ZNF865: variants seen among roughly 807,000 people sequenced by gnomAD.
The protein encoded by ZNF865 is zinc finger protein 865.
For synonymous variants in ZNF865, 763 were observed against 750.8 expected (o/e 1.02, Z -0.27); for missense variants, 1,311 against 1,593.4 (o/e 0.82, Z 3.02).
chr19:55,616,110 G>A lies in ZNF865; in HGVS notation c.2492G>A (p.Gly831Asp). 1 of 1,489,346 alleles carries A rather than the reference G, an allele frequency of 6.7e-7. No homozygotes were observed. The highest frequency in any genetic ancestry group is 8.9e-7 in the Non-Finnish European group (1 of 1,122,032). 92.3% of individuals were successfully genotyped at this position (1,489,346 alleles called of 1,614,324 possible). A position where few individuals can be genotyped will look rare whatever the true frequency, so the allele number is the denominator to read the frequency against. ...GCGLCGQSFA[G>D]AYDLLLHRRS... ...GGCCTCTGCGGCCAGAGCTTCGCGG[G>A]CGCCTACGACTTGCTCCTACACCGC... The change falls in exon 2 of 2, where the codon GGC becomes GAC. Residue 831 changes from glycine to aspartate, a missense_variant. Gly to Asp is a moderately conservative substitution (Grantham distance 94, BLOSUM62 -1). Transcript: ENST00000568956.
rs560161998 is a variant in ZNF865, at chr19:55,613,678, C to T, written c.60C>T (p.Gly20=). 53 of 1,532,102 alleles carry T rather than the reference C, an allele frequency of 3.5e-5. No individual in the cohort carries two copies. The highest frequency in any genetic ancestry group is 4.5e-5 in the Non-Finnish European group (51 of 1,145,134). The allele number at this position is 1,532,102 out of a possible 1,614,324, so 94.9% of individuals were successfully genotyped here. Reference sequence around the variant, plus strand: ...GTGGCGGGAGCAGCGGCATCGGGGGCGAGGACGGGGTGCACTTCCAGAGCT... The same window carrying T: ...GTGGCGGGAGCAGCGGCATCGGGGGTGAGGACGGGGTGCACTTCCAGAGCT... ...AGGGGSSGIG[G]EDGVHFQSYP... Residue 20 remains glycine (G), a synonymous_variant, in exon 2 of 2, where the codon GGC becomes GGT. Coordinates refer to ENST00000568956, the MANE Select transcript of ZNF865 (RefSeq NM_001195605.2).
At chr19:55,608,377 T>C (rs1444131479) in intron 1 of ZNF865, among the ~76,000 whole-genome samples, 3 of 148,196 alleles carry the variant, frequency 2.0e-5, no homozygotes, top group Admixed American at 6.8e-5. Context: ...TGCAGTGGTG[T>C]GATCTTAGCT....
In ZNF865 at chr19:55,616,776, C is replaced by T. The variant is rs950877401; in HGVS notation, c.3158C>T (p.Thr1053Ile). Residue 1053 changes from threonine (T) to isoleucine (I), a missense_variant, in exon 2 of 2, where the codon ACC (threonine) becomes ATC (isoleucine). By Grantham distance (89) the Thr-to-Ile change is moderately conservative (BLOSUM62 -1). Coordinates refer to ENST00000568956, the MANE Select transcript of ZNF865 (RefSeq NM_001195605.2). ...GGGGGGCCTGGAGCAGGGGCGGGCA[C>T]CTTGGCCGGGAAGGATGCCTGACCG... is the stretch of plus-strand genomic sequence containing the variant. ...NLGGPGAGAG[T>I]LAGKDA 24 of 1,447,244 alleles carry T rather than the reference C, an allele frequency of 1.7e-5. No homozygotes were observed. Among genetic ancestry groups the T allele is most frequent in the Non-Finnish European group, 2.2e-5 (24 of 1,105,946 alleles). The allele number at this position is 1,447,244 out of a possible 1,614,324, so 89.7% of individuals were successfully genotyped here.
Position 55,614,249 on chromosome 19 carries a change from G to A in ZNF865, c.631G>A (p.Gly211Ser), listed in dbSNP as rs1157877298. 1.3e-5 allele frequency: 20 copies of A among 1,514,740 alleles called. No homozygotes were observed. The highest frequency in any genetic ancestry group is 1.8e-5 in the Non-Finnish European group (20 of 1,137,066). 93.8% of individuals were successfully genotyped at this position (1,514,740 alleles called of 1,614,324 possible). The stretch of plus-strand genomic sequence containing the variant: ...CTGCGACCCCACCAAGGACGACAAG[G>A]GCTACTTCCGGAGACTGAAGTACCT... ...AACDPTKDDK[G>S]YFRRLKYLME... The change falls in exon 2 of 2, where the codon GGC (glycine) becomes AGC (serine). Residue 211 changes from glycine (G) to serine (S), a missense_variant. By Grantham distance (56) the Gly-to-Ser change is moderately conservative (BLOSUM62 0). Transcript: ENST00000568956. The surrounding 1 kb of genome is among the most constrained non-coding windows in gnomAD (Gnocchi z 8.0).
chr19:55,614,206 A>G lies in ZNF865; in HGVS notation c.588A>G (p.Gly196=). 6.7e-7 allele frequency: 1 copy of G among 1,500,204 alleles called. No individual in the cohort carries two copies. The allele number at this position is 1,500,204 out of a possible 1,614,324, so 92.9% of individuals were successfully genotyped here. A position where few individuals can be genotyped will look rare whatever the true frequency, so the allele number is the denominator to read the frequency against. Residue 196 remains glycine (G), a synonymous_variant, in exon 2 of 2, where the codon GGA becomes GGG. Coordinates refer to ENST00000568956, the MANE Select transcript of ZNF865 (RefSeq NM_001195605.2). This position sits in a 1 kb window ranked among gnomAD's most constrained non-coding sequence, Gnocchi z 8.0. ...CTGCCCCCTCGCAGACCCCGCCAGG[A>G]CCCCCCGCGGCGGCGGCCTGCGACC... ...PLPAPSQTPP[G]PPAAAACDPT... is the part of the protein sequence containing the mutation.
Position 55,615,199 on chromosome 19 carries a change from G to T in ZNF865, c.1581G>T (p.Pro527=). The T allele has an allele frequency of 7.0e-7, 1 of 1,419,752 alleles. No homozygotes were observed. The highest frequency in any genetic ancestry group is 1.5e-5 in the South Asian group (1 of 67,846). 87.9% of individuals were successfully genotyped at this position (1,419,752 alleles called of 1,614,324 possible). A position where few individuals can be genotyped will look rare whatever the true frequency, so the allele number is the denominator to read the frequency against. Residue 527 remains proline (P), a synonymous_variant, in exon 2 of 2, where the codon CCG becomes CCT. Coordinates refer to ENST00000568956, the MANE Select transcript of ZNF865 (RefSeq NM_001195605.2). ...AVPVPLLGAH[P]LLLGGAGTSG... The stretch of plus-strand genomic sequence containing the variant: ...CCGTCCCGCTCCTGGGCGCCCACCC[G>T]CTGCTGCTCGGCGGCGCGGGGACCA...
chr19:55,615,582 G>A lies in ZNF865; in HGVS notation c.1964G>A (p.Gly655Glu), dbSNP rs1440836517. ...GGCACACCGGGGGCCTGTGGGCCCGGGGCCTCGGGCACGTCTGCAGGGCCC... is the reference window on the plus strand; with the variant it reads ...GGCACACCGGGGGCCTGTGGGCCCGAGGCCTCGGGCACGTCTGCAGGGCCC... ...TQGTPGACGP[G>E]ASGTSAGPTD... The change falls in exon 2 of 2, where the codon GGG (glycine) becomes GAG (glutamate). Residue 655 changes from glycine to glutamate, a missense_variant. Physicochemically the swap from Gly to Glu is moderately conservative, Grantham distance 98 (BLOSUM62 -2). Transcript: ENST00000568956. The A allele has an allele frequency of 6.5e-7, 1 of 1,530,322 alleles. No individual in the cohort carries two copies. Among genetic ancestry groups the A allele is most frequent in the Non-Finnish European group, 8.7e-7 (1 of 1,144,384 alleles). 94.8% of individuals were successfully genotyped at this position (1,530,322 alleles called of 1,614,324 possible). A position where few individuals can be genotyped will look rare whatever the true frequency, so the allele number is the denominator to read the frequency against.
Position 55,615,149 on chromosome 19 carries a change from G to T in ZNF865, c.1531G>T (p.Ala511Ser). 1 of 1,214,592 alleles carries T rather than the reference G, an allele frequency of 8.2e-7. No homozygotes were observed. The highest frequency in any genetic ancestry group is 2.7e-5 in the South Asian group (1 of 37,106). 75.2% of individuals were successfully genotyped at this position (1,214,592 alleles called of 1,614,324 possible). A position where few individuals can be genotyped will look rare whatever the true frequency, so the allele number is the denominator to read the frequency against. Residue 511 changes from alanine (A) to serine (S), a missense_variant, in exon 2 of 2, where the codon GCG (alanine) becomes TCG (serine). Physicochemically the swap from Ala to Ser is moderately conservative, Grantham distance 99. Transcript: ENST00000568956. ...CAGCGAGAAGGCGGCGGCGGCCGCG[G>T]CGGCGGTGGTGTACGGCGCTGTGCC... Reference protein sequence around the residue: ...TDSEKAAAAAAAVVYGAVPVP... With the variant: ...TDSEKAAAAASAVVYGAVPVP...
chr19:55,613,575 C>T lies in ZNF865; in HGVS notation c.-26-18C>T, dbSNP rs1184945062. On this transcript the variant is annotated intron_variant, in intron 1 of 1. Coordinates refer to ENST00000568956, the MANE Select transcript of ZNF865 (RefSeq NM_001195605.2). ...CAGCGCCGCGGCCGTGTCCTCAGCC[C>T]CGTCCTCCTCTTCACAGGGTCTCCC... The T allele has an allele frequency of 3.4e-6, 5 of 1,482,522 alleles. No homozygotes were observed. The highest frequency in any genetic ancestry group is 2.7e-5 in the South Asian group (2 of 74,320). 91.8% of individuals were successfully genotyped at this position (1,482,522 alleles called of 1,614,324 possible). A position where few individuals can be genotyped will look rare whatever the true frequency, so the allele number is the denominator to read the frequency against.
At chr19:55,610,572 A>G (rs937217332) in intron 1 of ZNF865, among the ~76,000 whole-genome samples, 2 of 152,146 alleles carry the variant, frequency 1.3e-5, no homozygotes, top group African/African-American at 4.8e-5. Context: ...GCATTTTCTA[A>G]TGTATGATTT....
In ZNF865 at chr19:55,613,937, T is replaced by A; in HGVS notation, c.319T>A (p.Ser107Thr). ...GTCCTCCTCCTCCTCCTCTTCGTCC[T>A]CCTCGTCGTCATCTTCGTCCTCTTC... is the stretch of plus-strand genomic sequence containing the variant. Reference protein sequence around the residue: ...SSSSSSSSSSSSSSSSSSSSS... With the variant: ...SSSSSSSSSSTSSSSSSSSSS... Residue 107 changes from serine (S) to threonine (T), a missense_variant, in exon 2 of 2, where the codon TCC becomes ACC. Physicochemically the swap from Ser to Thr is moderately conservative, Grantham distance 58. Transcript: ENST00000568956. 1 of 1,531,980 alleles carries A rather than the reference T, an allele frequency of 6.5e-7. No homozygotes were observed. The highest frequency in any genetic ancestry group is 8.7e-7 in the Non-Finnish European group (1 of 1,144,444). The allele number at this position is 1,531,980 out of a possible 1,614,324, so 94.9% of individuals were successfully genotyped here.
In ZNF865 at chr19:55,616,279, C is replaced by T; in HGVS notation, c.2661C>T (p.Arg887=). The change falls in exon 2 of 2, where the codon CGC becomes CGT. Residue 887 remains arginine (R), a synonymous_variant. Transcript: ENST00000568956. ...GCGTGTGCGGCCGAGGCTTCCTGCG[C>T]TCCTGGTACCTGCGGCAGCACCGCG... The part of the protein sequence containing the change: ...RCGVCGRGFL[R]SWYLRQHRVV... The T allele has an allele frequency of 6.6e-7, 1 of 1,519,082 alleles. No homozygotes were observed. The highest frequency in any genetic ancestry group is 1.7e-4 in the Middle Eastern group (1 of 5,854). The allele number at this position is 1,519,082 out of a possible 1,614,324, so 94.1% of individuals were successfully genotyped here.
At position 55,613,835 on chromosome 19, in the gene ZNF865, C is replaced by T; in HGVS notation, c.217C>T (p.Pro73Ser). 6.7e-7 allele frequency: 1 copy of T among 1,502,384 alleles called. No homozygotes were observed. Among genetic ancestry groups the T allele is most frequent in the Non-Finnish European group, 8.9e-7 (1 of 1,125,266 alleles). The allele number at this position is 1,502,384 out of a possible 1,614,324, so 93.1% of individuals were successfully genotyped here. ...CCCGCCGCAGCCCCCGCCGCAGCCC[C>T]CTCCCCCGCAGTATGACTACCCGCC... ...GPPPQPPPQPPPPQYDYPPQS... is the reference protein window; with the variant it reads ...GPPPQPPPQPSPPQYDYPPQS... Residue 73 changes from proline to serine, a missense_variant, in exon 2 of 2, where the codon CCT becomes TCT. By Grantham distance (74) the Pro-to-Ser change is moderately conservative. Transcript: ENST00000568956.
chr19:55,607,825 T>TC (rs1283137655), intron 1 of ZNF865, among the ~76,000 whole-genome samples: 1 of 152,184 alleles, frequency 6.6e-6, no homozygotes, highest in Non-Finnish European at 1.5e-5. Context: ...AGCCCTGGAT[T>TC]CCACTAGGGT....
intron 1 of ZNF865, among the ~76,000 whole-genome samples, 153 bp downstream of exon 1, chr19:55,605,885 C>T (rs990724175): frequency 5.9e-5 from 9 of 152,140 alleles, no homozygotes; most frequent in African/African-American, 2.2e-4. Flanking sequence ...AATCACTGCT[C>T]CCCGGTAGGA....
In ZNF865 at chr19:55,611,788, T is replaced by A. The variant is rs139653485; in HGVS notation, c.-26-1805T>A. ...TGATGGACAGGAAGCGGGTCAGACC[T>A]CATGGGCCCTTCACCGACTCACCCT... On this transcript the variant is annotated intron_variant, in intron 1 of 1. Coordinates refer to ENST00000568956, the MANE Select transcript of ZNF865 (RefSeq NM_001195605.2). This position sits in a 1 kb window ranked among gnomAD's most constrained non-coding sequence, Gnocchi z 4.5. Among the ~76,000 whole-genome samples the A allele has an allele frequency of 4.0e-3, 615 of 152,228 alleles. 19 individuals carry two copies. In the South Asian group the frequency reaches 0.072, roughly 18 times the overall value.
chr19:55,605,848 C>G (rs906289501), intron 1 of ZNF865, 116 bp downstream of exon 1: 1 of 152,350 alleles, frequency 6.6e-6, no homozygotes, highest in Non-Finnish European at 1.5e-5. Context: ...AGTGCAGCTC[C>G]CGCCGGGCCC....
Position 55,611,502 on chromosome 19 carries a change from G to A in ZNF865, c.-26-2091G>A, listed in dbSNP as rs1334360991. The stretch of plus-strand genomic sequence containing the variant: ...CCCCAGCCAAGCCTGTCCTCTTTCC[G>A]GAGATCAGATTAAACGGAGGGGGTG... On this transcript the variant is annotated intron_variant, in intron 1 of 1. Coordinates refer to ENST00000568956, the MANE Select transcript of ZNF865 (RefSeq NM_001195605.2). This position sits in a 1 kb window ranked among gnomAD's most constrained non-coding sequence, Gnocchi z 4.5. Among the ~76,000 whole-genome samples, 1 of 152,166 alleles carries A rather than the reference G, an allele frequency of 6.6e-6. No homozygotes were observed. The highest frequency in any genetic ancestry group is 2.4e-5 in the African/African-American group (1 of 41,426).
At chr19:55,609,704 T>C (rs934226900) in intron 1 of ZNF865, among the ~76,000 whole-genome samples, 2 of 152,154 alleles carry the variant, frequency 1.3e-5, no homozygotes, top group African/African-American at 4.8e-5. Flanking sequence ...CTGTGCTGCC[T>C]CCAGGCAATA....
Sources: gnomAD v4.1 joint callset for allele counts (sites outside exome capture counted in the v4.1 genomes callset) on GRCh38, gnomAD v4.1.1 for gene constraint, Gnocchi (gnomAD v3.1) non-coding constraint, MANE v1.5 for transcripts, NCBI Gene and HGNC (gene_info 2026-07-23, HGNC 2026-07-21) for gene names.